The following DAAM2 variants were observed in gnomAD, a reference collection of about 807,000 sequenced individuals.
DAAM2 encodes disheveled-associated activator of morphogenesis 2.
DAAM2 carries 39 observed loss-of-function variants against 120.7 expected under a neutral mutation model. The observed-to-expected ratio is 0.32, with a 90% CI of 0.25 to 0.42. The LOEUF is 0.42. Among genes scored for constraint, DAAM2 ranks in the 10% least tolerant of loss-of-function variants. The pLI is 1.00. For synonymous variants in DAAM2, 488 were observed against 524.9 expected (o/e 0.93, Z 0.96); for missense variants, 1,283 against 1,401.7 (o/e 0.92, Z 1.35).
At chr6:39,793,852 T>C (rs1198263660) in intron 1 of DAAM2, among the ~76,000 whole-genome samples, 1 of 152,178 alleles carries the variant, frequency 6.6e-6, no homozygotes, top group Non-Finnish European at 1.5e-5. Flanking sequence ...TTTTCAGCTT[T>C]GAGCTAGCCA....
At chr6:39,843,652 C>T (rs185340035) in intron 1 of DAAM2, among the ~76,000 whole-genome samples, 3 of 152,328 alleles carry the variant, frequency 2.0e-5, no homozygotes, top group Admixed American at 2.0e-4. Context: ...TTAAACCAAG[C>T]GCAGGGCCCT....
intron 1 of DAAM2, among the ~76,000 whole-genome samples, chr6:39,816,128 AT>A (rs774736198): frequency 4.6e-5 from 7 of 152,224 alleles, no homozygotes; most frequent in Non-Finnish European, 8.8e-5. Context: ...AGGTATATGA[AT>A]CACACGTTGT....
At chr6:39,869,636 G>C (rs1470227497) in intron 7 of DAAM2, among the ~76,000 whole-genome samples, 1 of 151,970 alleles carries the variant, frequency 6.6e-6, no homozygotes, top group Non-Finnish European at 1.5e-5. Flanking sequence ...TGAAGAGCAG[G>C]TGAACGTTCC....
intron 5 of DAAM2, among the ~76,000 whole-genome samples, chr6:39,865,613 G>A (rs1282317921): frequency 6.6e-6 from 1 of 152,214 alleles, no homozygotes; most frequent in Non-Finnish European, 1.5e-5. Flanking sequence ...AGGCCACAAC[G>A]TGTGGGGCCC....
chr6:39,865,462 C>G (rs187372977), intron 5 of DAAM2, among the ~76,000 whole-genome samples: 5 of 152,244 alleles, frequency 3.3e-5, no homozygotes, highest in African/African-American at 9.6e-5. Context: ...AAAAGAGGGA[C>G]GCACGGGTAG....
In DAAM2 at chr6:39,836,728, C is replaced by T. The variant is rs112823910; in HGVS notation, c.-56-19519C>T. ...AACGGCTGGTTTGGCTGATCTGGCT[C>T]CGACCTGGCTGCAAATCTCCACGTC... On this transcript the variant is annotated intron_variant, in intron 1 of 24. Coordinates refer to ENST00000274867, the MANE Select transcript of DAAM2 (RefSeq NM_001201427.2). Among the ~76,000 whole-genome samples, 549 of 152,272 alleles carry T rather than the reference C, an allele frequency of 3.6e-3. 3 individuals are homozygous for T. The highest frequency in any genetic ancestry group is 0.012 in the African/African-American group (497 of 41,564).
chr6:39,833,717 T>G (rs1763002412), intron 1 of DAAM2, among the ~76,000 whole-genome samples: 1 of 152,138 alleles, frequency 6.6e-6, no homozygotes, highest in African/African-American at 2.4e-5. Context: ...AGTCTTCTTT[T>G]CCCAGGGAAA....
chr6:39,875,337 G>A lies in DAAM2; in HGVS notation c.1170G>A (p.Arg390=), dbSNP rs1582716019. The change falls in exon 11 of 25, where the codon CGG becomes CGA. Residue 390 remains arginine (R), a synonymous_variant. Coordinates refer to ENST00000274867, the MANE Select transcript of DAAM2 (RefSeq NM_001201427.2). ...LHHCLQMPYK[R]NGGYFQQWQL... ...ATACCTGTCATCCCTCAGACAAACG[G>A]AACGGTGGCTACTTCCAGCAGTGGC... 5 of 1,613,730 alleles carry A rather than the reference G, an allele frequency of 3.1e-6. No individual in the cohort carries two copies. The highest frequency in any genetic ancestry group is 2.2e-5 in the East Asian group (1 of 44,878).
chr6:39,879,497 C>A lies in DAAM2; in HGVS notation c.1845+20C>A. The A allele has an allele frequency of 6.2e-7, 1 of 1,614,000 alleles. No individual in the cohort carries two copies. Among genetic ancestry groups the A allele is most frequent in the Non-Finnish European group, 8.5e-7 (1 of 1,179,882 alleles). On this transcript the variant is annotated intron_variant, in intron 14 of 24. Coordinates refer to ENST00000274867, the MANE Select transcript of DAAM2 (RefSeq NM_001201427.2). Reference sequence around the variant, plus strand: ...AATGAGGTGAGCATCTGGGAAGGGGCTGGAGGGCCCATTCTTCTACAGCAG... The same window carrying A: ...AATGAGGTGAGCATCTGGGAAGGGGATGGAGGGCCCATTCTTCTACAGCAG...
chr6:39,804,991 G>A (rs1217862975), intron 1 of DAAM2, among the ~76,000 whole-genome samples: 1 of 152,182 alleles, frequency 6.6e-6, no homozygotes, highest in Non-Finnish European at 1.5e-5. Context: ...GACTGCATAT[G>A]AGCCAAACCC....
At position 39,904,330 on chromosome 6, in the gene DAAM2, G is replaced by A. The variant is rs774443083; in HGVS notation, c.*2293G>A. On this transcript the variant is annotated 3_prime_UTR_variant, in exon 25 of 25. Coordinates refer to ENST00000274867, the MANE Select transcript of DAAM2 (RefSeq NM_001201427.2). ...AGTGGCTCTGGTGCTAGATGCCACT[G>A]TAGCCAGATCTCCAACAGTGCCTTG... is the stretch of plus-strand genomic sequence containing the variant. 1 of 456,706 alleles carries A rather than the reference G, an allele frequency of 2.2e-6. No homozygotes were observed. The highest frequency in any genetic ancestry group is 6.9e-5 in the East Asian group (1 of 14,396). 28.3% of individuals were successfully genotyped at this position (456,706 alleles called of 1,614,324 possible).
At chr6:39,854,524 A>G (rs536839907) in intron 1 of DAAM2, among the ~76,000 whole-genome samples, 1 of 152,348 alleles carries the variant, frequency 6.6e-6, no homozygotes, top group African/African-American at 2.4e-5. Flanking sequence ...TTATAAAGAA[A>G]GAGAAAATGG....
intron 1 of DAAM2, among the ~76,000 whole-genome samples, chr6:39,827,967 C>T (rs112553138): frequency 3.9e-5 from 6 of 152,144 alleles, no homozygotes; most frequent in Non-Finnish European, 5.9e-5. Flanking sequence ...GCCCAAAAAT[C>T]ACCACACCTA....
chr6:39,795,101 A>G (rs1761662165), intron 1 of DAAM2, among the ~76,000 whole-genome samples: 1 of 152,216 alleles, frequency 6.6e-6, no homozygotes, highest in Non-Finnish European at 1.5e-5. Flanking sequence ...TTCCCAGGCC[A>G]TGGATGCCTA....
In DAAM2 at chr6:39,811,883, A is replaced by G. The variant is rs139374153; in HGVS notation, c.-57+19418A>G. Among the ~76,000 whole-genome samples, 430 of 152,226 alleles carry G rather than the reference A, an allele frequency of 2.8e-3. 4 individuals carry two copies. Among genetic ancestry groups the G allele is most frequent in the Non-Finnish European group, 3.0e-3 (206 of 68,020 alleles). ...GGGTTGGATGGTTTGCCTAATGTTT[A>G]CTGAGAAGCCAGTCCCCTTCCTGAT... On this transcript the variant is annotated intron_variant, in intron 1 of 24. Coordinates refer to ENST00000274867, the MANE Select transcript of DAAM2 (RefSeq NM_001201427.2).
chr6:39,887,497 C>G lies in DAAM2; in HGVS notation c.1965C>G (p.Gly655=), dbSNP rs748366058. Residue 655 remains glycine (G), a synonymous_variant, in exon 16 of 25, where the codon GGC becomes GGG. Coordinates refer to ENST00000274867, the MANE Select transcript of DAAM2 (RefSeq NM_001201427.2). The part of the protein sequence containing the change: ...SAYQRHQKEL[G]STEDIYLASR... ...CTTGTTGGTTGCAGAAAGAGCTGGG[C>G]TCCACTGAAGACATCTACCTGGCTT... 8 of 1,612,978 alleles carry G rather than the reference C, an allele frequency of 5.0e-6. No individual in the cohort carries two copies. Among genetic ancestry groups the G allele is most frequent in the Admixed American group, 3.3e-5 (2 of 59,938 alleles).
intron 1 of DAAM2, among the ~76,000 whole-genome samples, chr6:39,811,965 T>A (rs1457507447): frequency 6.6e-6 from 1 of 152,194 alleles, no homozygotes; most frequent in African/African-American, 2.4e-5. Flanking sequence ...TGTGATTTCA[T>A]TCTGGTGACC....
intron 1 of DAAM2, among the ~76,000 whole-genome samples, chr6:39,829,573 T>C (rs1762802688): frequency 6.6e-6 from 1 of 152,150 alleles, no homozygotes; most frequent in South Asian, 2.1e-4. Flanking sequence ...CAAGAGGAAA[T>C]TGGGCAATAG....
At chr6:39,871,329 A>T (rs932645480) in intron 8 of DAAM2, among the ~76,000 whole-genome samples, 177 bp from the exon 9 acceptor site, 6 of 152,200 alleles carry the variant, frequency 3.9e-5, no homozygotes, top group African/African-American at 1.4e-4. Flanking sequence ...ATGGGATCTT[A>T]TAAAGGGCAG....
Sources: gnomAD v4.1 joint callset for allele counts (sites outside exome capture counted in the v4.1 genomes callset) on GRCh38, gnomAD v4.1.1 for gene constraint, MANE v1.5 for transcripts, NCBI Gene and HGNC (gene_info 2026-07-23, HGNC 2026-07-21) for gene names.